NCAM2: variants seen among roughly 807,000 people sequenced by gnomAD.
NCAM2 encodes the protein N-CAM-2.
In NCAM2, 30 loss-of-function variants were observed where a neutral mutation model predicts 98.1. The observed-to-expected ratio is 0.31, with a 90% CI of 0.23 to 0.41. The LOEUF (loss-of-function observed/expected upper bound fraction) is 0.41. Ranked by LOEUF, NCAM2 falls within the 10% of genes least tolerant of loss-of-function variation. The probability of loss-of-function intolerance (pLI) is 1.00; values close to 1 mark genes in which losing one functional copy is unlikely to be tolerated. For synonymous variants in NCAM2, 368 were observed against 342.4 expected, an observed-to-expected ratio of 1.07 and a Z score of -0.83; for missense variants, 867 against 1,005.8, an observed-to-expected ratio of 0.86 and a Z score of 1.87.
intron 1 of NCAM2, among the ~76,000 whole-genome samples, chr21:21,129,099 G>A (rs1389344581): frequency 1.3e-5 from 2 of 151,984 alleles, no homozygotes; most frequent in South Asian, 2.1e-4. Context: ...ATTTTAAAAC[G>A]TATAAATTTG....
intron 1 of NCAM2, among the ~76,000 whole-genome samples, chr21:21,252,004 G>A (rs2071492870): frequency 6.6e-6 from 1 of 151,876 alleles, no homozygotes; most frequent in Non-Finnish European, 1.5e-5. Flanking sequence ...TATCACCTAG[G>A]TTTTCTTCTA....
intron 6 of NCAM2, among the ~76,000 whole-genome samples, chr21:21,324,969 A>G (rs1009827010): frequency 2.8e-5 from 4 of 142,156 alleles, no homozygotes; most frequent in African/African-American, 1.0e-4. Flanking sequence ...AATGAATTTA[A>G]TGTGTAATTT....
rs1343440531 is a variant in NCAM2 at position 21,455,233 on chromosome 21, G to C, written c.1655-11373G>C. On this transcript the variant is annotated intron_variant, in intron 12 of 17. Transcript: ENST00000400546. ...GGCAAAAAAAAAAAAAAAAAAAAAA[G>C]TTTAATTTGTCCTGTTTGATGACTC... is the stretch of plus-strand genomic sequence containing the variant. Among the ~76,000 whole-genome samples, 8 of 86,348 alleles carry C rather than the reference G, an allele frequency of 9.3e-5. No homozygotes were observed. The East Asian group carries it at 1.9e-3, about 21-fold the overall frequency. 56.6% of individuals were successfully genotyped at this position (86,348 alleles called of 152,430 possible).
At chr21:21,417,809 G>T (rs1037085887) in intron 10 of NCAM2, among the ~76,000 whole-genome samples, 3 of 152,036 alleles carry the variant, frequency 2.0e-5, no homozygotes, top group African/African-American at 7.2e-5. Context: ...ACTGTTATTA[G>T]ATAGCGAGAA....
chr21:21,362,393 T>A (rs1473112349), intron 8 of NCAM2, among the ~76,000 whole-genome samples: 2 of 58,936 alleles, frequency 3.4e-5, no homozygotes, highest in Non-Finnish European at 7.5e-5. Context: ...CATATTCTAC[T>A]TTTTTTTTTT....
intron 9 of NCAM2, among the ~76,000 whole-genome samples, chr21:21,381,836 A>AT (rs935212942): frequency 6.6e-6 from 1 of 151,952 alleles, no homozygotes; most frequent in South Asian, 2.1e-4. Context: ...GAAGATCCCA[A>AT]TTTTTTTTCA....
chr21:21,302,308 G>A (rs993140439), intron 5 of NCAM2, among the ~76,000 whole-genome samples: 1 of 151,990 alleles, frequency 6.6e-6, no homozygotes. Context: ...TGAAAGGTAA[G>A]GGTCCAGTTT....
In NCAM2 at chr21:21,350,947, AAG is replaced by A. The variant is rs1450566201; in HGVS notation, c.1044+12414_1044+12415del. On this transcript the variant is annotated intron_variant, in intron 8 of 17. Coordinates refer to ENST00000400546, the MANE Select transcript of NCAM2 (RefSeq NM_004540.5). Reference sequence around the variant, plus strand: ...GTAAAAATACAAAAAAAAAAAAAAAAAGGAGAGAAAAGAAAAAAAATTAGCCA... The same window carrying A: ...GTAAAAATACAAAAAAAAAAAAAAAAGAGAGAAAAGAAAAAAAATTAGCCA... 4.3e-5 allele frequency among the ~76,000 whole-genome samples: 6 copies of A among 140,758 alleles called. No homozygotes were observed. In the South Asian group the frequency reaches 6.7e-4, roughly 16 times the overall value. The allele number at this position is 140,758 out of a possible 152,430, so 92.3% of individuals were successfully genotyped here.
chr21:21,017,714 A>T (rs1270383190), intron 1 of NCAM2, among the ~76,000 whole-genome samples: 3 of 152,152 alleles, frequency 2.0e-5, no homozygotes, highest in Non-Finnish European at 2.9e-5. Context: ...CACGCGCTCC[A>T]TAATTTCTTT....
intron 1 of NCAM2, among the ~76,000 whole-genome samples, chr21:21,189,535 G>A (rs1279578958): frequency 6.6e-6 from 1 of 152,074 alleles, no homozygotes; most frequent in African/African-American, 2.4e-5. Context: ...AGATGAGCCA[G>A]GGTAACACAG....
At chr21:21,015,335 ATTG>A (rs2064286110) in intron 1 of NCAM2, among the ~76,000 whole-genome samples, 1 of 152,142 alleles carries the variant, frequency 6.6e-6, no homozygotes, top group Non-Finnish European at 1.5e-5. Context: ...ACCGGACATC[ATTG>A]TTGTGTTATT....
chr21:21,479,510 G>C lies in NCAM2; in HGVS notation c.2077+2039G>C, dbSNP rs182306823. Among the ~76,000 whole-genome samples the C allele has an allele frequency of 4.2e-3, 624 of 149,350 alleles. 7 individuals carry two copies. The highest frequency in any genetic ancestry group is 0.014 in the African/African-American group (588 of 40,650). ...GAGACAGGAGAATGGAGTGGACCCG[G>C]GAGGCGGAGCTTGCAGTGAGCCGAG... On this transcript the variant is annotated intron_variant, in intron 15 of 17. Transcript: ENST00000400546.
intron 12 of NCAM2, chr21:21,463,743 A>G (rs1425275917): frequency 2.6e-5 from 4 of 152,114 alleles, no homozygotes; most frequent in South Asian, 2.1e-4. Flanking sequence ...TGGGGCATGC[A>G]AAACTCCTCA....
At chr21:21,424,708 G>T (rs536359413) in intron 11 of NCAM2, among the ~76,000 whole-genome samples, 1 of 152,190 alleles carries the variant, frequency 6.6e-6, no homozygotes, top group African/African-American at 2.4e-5. Flanking sequence ...TAGAGAGGTA[G>T]AGAGAAGTTA....
intron 1 of NCAM2, among the ~76,000 whole-genome samples, chr21:21,168,551 A>T (rs1307433384): frequency 6.6e-5 from 10 of 152,162 alleles, no homozygotes; most frequent in Admixed American, 5.9e-4. Context: ...AATCCAAAGA[A>T]TCAGCAACAG....
chr21:21,175,180 G>C (rs567323581), intron 1 of NCAM2, among the ~76,000 whole-genome samples: 19 of 152,092 alleles, frequency 1.2e-4, no homozygotes, highest in Non-Finnish European at 2.1e-4. Context: ...AACAAGTCAA[G>C]ATGTAAATTC....
chr21:21,056,073 TTTTTTA>T (rs143836340), intron 1 of NCAM2, among the ~76,000 whole-genome samples: 9,075 of 152,134 alleles, frequency 0.06, 279 homozygotes, highest in East Asian at 0.095. Context: ...GGCTTAAGCA[TTTTTTA>T]TTTGCACTGT....
At chr21:21,193,044 A>G (rs1293157555) in intron 1 of NCAM2, among the ~76,000 whole-genome samples, 1 of 152,146 alleles carries the variant, frequency 6.6e-6, no homozygotes, top group Non-Finnish European at 1.5e-5. Context: ...TTCTATTTAA[A>G]ATACTTAGTT....
chr21:21,337,262 T>C (rs2074896780), intron 7 of NCAM2, among the ~76,000 whole-genome samples: 1 of 152,072 alleles, frequency 6.6e-6, no homozygotes, highest in African/African-American at 2.4e-5. Context: ...TTTACATTTC[T>C]GATATTTTCA....
Sources: gnomAD v4.1 joint callset for allele counts (sites outside exome capture counted in the v4.1 genomes callset) on GRCh38, gnomAD v4.1.1 for gene constraint, MANE v1.5 for transcripts, NCBI Gene and HGNC (gene_info 2026-07-23, HGNC 2026-07-21) for gene names.